The following KCNH5 variants were observed in gnomAD, a reference collection of about 807,000 sequenced individuals.
KCNH5 encodes potassium voltage-gated channel subfamily H member 5, also known as voltage-gated delayed rectifier potassium channel KCNH5.
Under a neutral mutation model 96.1 loss-of-function variants are expected in KCNH5, and 46 were observed. The ratio of observed to expected loss-of-function variants is 0.48; its 90% CI spans 0.38 to 0.61. The LOEUF is 0.61. Ranked by LOEUF, KCNH5 falls within the 20% of genes least tolerant of loss-of-function variation. The pLI is 0.00. For synonymous variants in KCNH5, 439 were observed against 449.8 expected (o/e 0.98, Z 0.30); for missense variants, 907 against 1,225.8 (o/e 0.74, Z 3.88).
At chr14:62,865,333 TAAA>T (rs35939292) in intron 7 of KCNH5, among the ~76,000 whole-genome samples, 2,815 of 132,036 alleles carry the variant, frequency 0.021, 82 homozygotes, top group African/African-American at 0.073. Context: ...AAATGCTATT[TAAA>T]AAAAAAAAAA....
intron 7 of KCNH5, among the ~76,000 whole-genome samples, chr14:62,891,930 C>G (rs1888719598): frequency 1.3e-5 from 2 of 152,224 alleles, no homozygotes; most frequent in Non-Finnish European, 2.9e-5. Context: ...GCCAGCCATT[C>G]CCCTGTCTTT....
At chr14:62,909,406 TCA>T (rs1312070486) in intron 7 of KCNH5, among the ~76,000 whole-genome samples, 2 of 152,176 alleles carry the variant, frequency 1.3e-5, no homozygotes, top group Admixed American at 6.5e-5. Context: ...CAGAAAGTTC[TCA>T]CACAATTTTA....
chr14:62,731,629 A>T (rs1019261021), intron 10 of KCNH5, among the ~76,000 whole-genome samples: 1 of 152,192 alleles, frequency 6.6e-6, no homozygotes, highest in Non-Finnish European at 1.5e-5. Context: ...TGAAAATGCT[A>T]ATTATAATAC....
At chr14:62,905,447 A>AT (rs1889009041) in intron 7 of KCNH5, among the ~76,000 whole-genome samples, 1 of 151,894 alleles carries the variant, frequency 6.6e-6, no homozygotes, top group African/African-American at 2.4e-5. Context: ...ATTTGTTCTT[A>AT]TTTTTTCCTT....
intron 1 of KCNH5, among the ~76,000 whole-genome samples, chr14:63,040,157 G>A (rs968429155): frequency 3.3e-5 from 5 of 152,176 alleles, no homozygotes; most frequent in African/African-American, 7.2e-5. Context: ...CTACTCAGTC[G>A]CTATCAATTA....
chr14:62,787,363 G>A (rs1357279121), intron 9 of KCNH5, among the ~76,000 whole-genome samples: 1 of 152,164 alleles, frequency 6.6e-6, no homozygotes, highest in East Asian at 1.9e-4. Flanking sequence ...CTAAGAGAGG[G>A]GAGGAAGCTG....
At chr14:62,730,007 G>C (rs1885016518) in intron 10 of KCNH5, among the ~76,000 whole-genome samples, 1 of 152,182 alleles carries the variant, frequency 6.6e-6, no homozygotes. Flanking sequence ...TTTGGGGATA[G>C]GTTGATTTTA....
intron 7 of KCNH5, among the ~76,000 whole-genome samples, chr14:62,863,583 G>A (rs896112145): frequency 6.6e-6 from 1 of 152,070 alleles, no homozygotes; most frequent in Non-Finnish European, 1.5e-5. Flanking sequence ...CCTCTACCAA[G>A]TATAGATTAA....
At chr14:62,708,513 GTATAATAC>G in intron 10 of KCNH5, 58 bp from the exon 11 acceptor site, 1 of 1,061,572 alleles carries the variant, frequency 9.4e-7, no homozygotes, top group South Asian at 1.5e-5. Context: ...ATTAACAGTT[GTATAATAC>G]TATGCTGTAT....
rs902516954 is a variant in KCNH5 at position 63,045,325 on chromosome 14, C to T, written c.-139G>A. On this transcript the variant is annotated 5_prime_UTR_variant, in exon 1 of 11. Coordinates refer to ENST00000322893, the MANE Select transcript of KCNH5 (RefSeq NM_139318.5). The stretch of plus-strand genomic sequence containing the variant: ...GGGGGCGCGGCGGCGGCGACGGGGT[C>T]CCCTGACTGTGTCTCCAGCCCGACC... The T allele has an allele frequency of 2.9e-6, 2 of 690,090 alleles. No individual in the cohort carries two copies. The highest frequency in any genetic ancestry group is 3.4e-5 in the South Asian group (2 of 59,616). The allele number at this position is 690,090 out of a possible 1,614,324, so 42.7% of individuals were successfully genotyped here.
chr14:62,844,362 A>G (rs1278741688), intron 8 of KCNH5, among the ~76,000 whole-genome samples: 3 of 152,198 alleles, frequency 2.0e-5, no homozygotes, highest in Admixed American at 1.3e-4. Context: ...CAGGTCTTAC[A>G]TTTTTTCACA....
chr14:62,737,571 A>C (rs1885185169), intron 10 of KCNH5, among the ~76,000 whole-genome samples: 1 of 152,196 alleles, frequency 6.6e-6, no homozygotes, highest in Admixed American at 6.5e-5. Flanking sequence ...AGTGCATCTG[A>C]ATCTCTACAG....
At chr14:62,877,587 T>A (rs1215876170) in intron 7 of KCNH5, among the ~76,000 whole-genome samples, 2 of 152,048 alleles carry the variant, frequency 1.3e-5, no homozygotes, top group Non-Finnish European at 2.9e-5. Flanking sequence ...AAAAAACACA[T>A]GAAAAAATGC....
intron 7 of KCNH5, among the ~76,000 whole-genome samples, chr14:62,918,221 A>G (rs1032261901): frequency 7.2e-5 from 11 of 152,332 alleles, no homozygotes; most frequent in African/African-American, 2.6e-4. Flanking sequence ...ACTTTAAAGT[A>G]ACTGACATAT....
rs1196811475 is a variant in KCNH5 at position 62,702,530 on chromosome 14, T to A, written c.*4978A>T. Reference sequence around the variant, plus strand: ...AAGTATGCCATCCTGGACAAGTTCCTTAACCTATACCTTCATGGGGTTGCT... The same window carrying A: ...AAGTATGCCATCCTGGACAAGTTCCATAACCTATACCTTCATGGGGTTGCT... On this transcript the variant is annotated 3_prime_UTR_variant, in exon 11 of 11. Transcript: ENST00000322893. 1.3e-5 allele frequency: 2 copies of A among 152,010 alleles called. No individual in the cohort carries two copies. Among genetic ancestry groups the A allele is most frequent in the Non-Finnish European group, 2.9e-5 (2 of 67,878 alleles). 9.4% of individuals were successfully genotyped at this position (152,010 alleles called of 1,614,324 possible). A position where few individuals can be genotyped will look rare whatever the true frequency, so the allele number is the denominator to read the frequency against.
chr14:62,963,200 T>C (rs1890245518), intron 6 of KCNH5, among the ~76,000 whole-genome samples: 1 of 152,148 alleles, frequency 6.6e-6, no homozygotes, highest in South Asian at 2.1e-4. Flanking sequence ...TTCTTCTATG[T>C]TGTTATATTG....
At chr14:62,944,454 G>C (rs1007726931) in intron 7 of KCNH5, among the ~76,000 whole-genome samples, 27 of 151,950 alleles carry the variant, frequency 1.8e-4, no homozygotes, top group Admixed American at 4.6e-4. Context: ...GAACCTTTCT[G>C]TTTTCTACCT....
At chr14:62,721,453 T>C (rs897266758) in intron 10 of KCNH5, among the ~76,000 whole-genome samples, 1 of 151,890 alleles carries the variant, frequency 6.6e-6, no homozygotes, top group African/African-American at 2.4e-5. Flanking sequence ...TTTAATCTTT[T>C]GCTTTCTTGA....
intron 7 of KCNH5, among the ~76,000 whole-genome samples, chr14:62,859,978 T>A (rs145593897): frequency 6.6e-6 from 1 of 152,232 alleles, no homozygotes; most frequent in African/African-American, 2.4e-5. Flanking sequence ...AACTTACTTA[T>A]GCCTTCAAGA....
Sources: gnomAD v4.1 joint callset for allele counts (sites outside exome capture counted in the v4.1 genomes callset) on GRCh38, gnomAD v4.1.1 for gene constraint, MANE v1.5 for transcripts, NCBI Gene and HGNC (gene_info 2026-07-23, HGNC 2026-07-21) for gene names.